Variants in FAM184A observed in about 807,000 individuals in gnomAD.
The protein encoded by FAM184A is protein FAM184A.
A neutral mutation model predicts 143.8 loss-of-function variants in FAM184A; 99 were observed. That is an observed-to-expected ratio of 0.69 (90% CI 0.58 to 0.81). The LOEUF (loss-of-function observed/expected upper bound fraction) is 0.81, where lower values mean the gene tolerates loss of function less well. FAM184A is among the 40% of genes least tolerant of loss of function. The pLI is 0.00. For missense variants in FAM184A, 1,217 were observed against 1,310.5 expected (o/e 0.93, Z 1.10); for synonymous variants, 427 against 446.4 (o/e 0.96, Z 0.55).
intron 1 of FAM184A, among the ~76,000 whole-genome samples, chr6:119,119,583 C>T (rs925185569): frequency 2.0e-5 from 3 of 152,032 alleles, no homozygotes; most frequent in Non-Finnish European, 4.4e-5. Context: ...AGTATATGAA[C>T]ACAAAATAAC....
At chr6:119,144,229 G>C (rs1407110228) in intron 1 of FAM184A, among the ~76,000 whole-genome samples, 1 of 151,028 alleles carries the variant, frequency 6.6e-6, no homozygotes, top group Non-Finnish European at 1.5e-5. Context: ...AGCTACTCGA[G>C]AGGCTGAGGC....
intron 1 of FAM184A, among the ~76,000 whole-genome samples, chr6:119,115,808 CAA>C (rs66619118): frequency 0.037 from 5,224 of 142,424 alleles, 166 homozygotes; most frequent in African/African-American, 0.089. Flanking sequence ...ACTAAAAATA[CAA>C]AAAAAAAAAA....
At chr6:119,127,089 A>C (rs1270779921) in intron 1 of FAM184A, among the ~76,000 whole-genome samples, 1 of 152,146 alleles carries the variant, frequency 6.6e-6, no homozygotes, top group Non-Finnish European at 1.5e-5. Flanking sequence ...GTTTTGGAAA[A>C]AGGCAACATT....
intron 1 of FAM184A, among the ~76,000 whole-genome samples, chr6:119,032,244 C>A (rs2114708643): frequency 6.6e-6 from 1 of 151,550 alleles, no homozygotes; most frequent in Middle Eastern, 3.4e-3. Flanking sequence ...TGCACTCCAA[C>A]CTGGGCAACA....
chr6:118,998,066 AC>A (rs1166780549), intron 9 of FAM184A, among the ~76,000 whole-genome samples: 1 of 152,214 alleles, frequency 6.6e-6, no homozygotes, highest in African/African-American at 2.4e-5. Flanking sequence ...TAAAATCAAT[AC>A]ATCTAAGAGA....
At chr6:119,095,496 TG>T (rs1400879254) in intron 1 of FAM184A, among the ~76,000 whole-genome samples, 1 of 152,220 alleles carries the variant, frequency 6.6e-6, no homozygotes, top group Non-Finnish European at 1.5e-5. Context: ...TGGCACTCTT[TG>T]GGTGGTCTCT....
At chr6:119,018,000 A>G (rs573446899) in intron 4 of FAM184A, among the ~76,000 whole-genome samples, 1 of 152,348 alleles carries the variant, frequency 6.6e-6, no homozygotes, top group East Asian at 1.9e-4. Flanking sequence ...CACCAGAAAC[A>G]GATGCCAGTA....
At chr6:119,096,954 T>C (rs1254679570) in intron 1 of FAM184A, among the ~76,000 whole-genome samples, 1 of 152,158 alleles carries the variant, frequency 6.6e-6, no homozygotes, top group African/African-American at 2.4e-5. Flanking sequence ...GCTTGACATT[T>C]CCTCTCTTTT....
At chr6:119,089,186 CTTTATTTA>C (rs78123118) in intron 1 of FAM184A, among the ~76,000 whole-genome samples, 1 of 142,394 alleles carries the variant, frequency 7.0e-6, no homozygotes, top group Non-Finnish European at 1.5e-5. Context: ...ATCTCTCTCT[CTTTATTTA>C]TTTATTTATT....
chr6:119,005,059 C>T (rs1357773978), intron 7 of FAM184A, among the ~76,000 whole-genome samples: 1 of 151,882 alleles, frequency 6.6e-6, no homozygotes, highest in East Asian at 1.9e-4. Context: ...TATCATTTTC[C>T]TTTTATTTGT....
At chr6:119,093,736 C>T (rs1329961396) in intron 1 of FAM184A, among the ~76,000 whole-genome samples, 1 of 152,150 alleles carries the variant, frequency 6.6e-6, no homozygotes, top group African/African-American at 2.4e-5. Context: ...AGGCAGGAGA[C>T]TGGTTTCTGT....
intron 1 of FAM184A, among the ~76,000 whole-genome samples, chr6:119,028,050 A>G (rs1392830554): frequency 1.3e-5 from 2 of 152,108 alleles, no homozygotes; most frequent in African/African-American, 4.8e-5. Flanking sequence ...GTATTGATTT[A>G]TGATTTTGCC....
At chr6:119,120,847 TC>T (rs1388356872) in intron 1 of FAM184A, among the ~76,000 whole-genome samples, 361 of 130,956 alleles carry the variant, frequency 2.8e-3, no homozygotes, top group African/African-American at 0.011. Context: ...TTTCTTTCTT[TC>T]TTTTTTTTTT....
intron 1 of FAM184A, among the ~76,000 whole-genome samples, chr6:119,029,889 A>G (rs541361425): frequency 6.6e-6 from 1 of 152,232 alleles, no homozygotes; most frequent in Admixed American, 6.5e-5. Flanking sequence ...CTTTCCCACT[A>G]TGACAGCAAA....
At chr6:118,984,998 C>T (rs114777134) in intron 9 of FAM184A, among the ~76,000 whole-genome samples, 2,838 of 152,284 alleles carry the variant, frequency 0.019, 98 homozygotes, top group African/African-American at 0.065. Context: ...CCTTCATTCC[C>T]TTTCCTCACT....
intron 1 of FAM184A, among the ~76,000 whole-genome samples, chr6:119,067,938 C>T (rs1037692272): frequency 9.9e-5 from 15 of 152,056 alleles, no homozygotes; most frequent in Non-Finnish European, 1.6e-4. Flanking sequence ...CACCCCTGCA[C>T]TCCAGCCTGG....
intron 7 of FAM184A, among the ~76,000 whole-genome samples, chr6:119,004,985 C>CAATT (rs1310192562): frequency 6.6e-6 from 1 of 152,102 alleles, no homozygotes; most frequent in African/African-American, 2.4e-5. Context: ...AACCTATATT[C>CAATT]AATTAACATT....
rs866495126 is a variant in FAM184A, at chr6:119,139,515, A to G, written c.-202+9563T>C. Among the ~76,000 whole-genome samples the G allele has an allele frequency of 2.7e-4, 41 of 152,282 alleles. No homozygotes were observed. In the Middle Eastern group the frequency reaches 0.014, roughly 51 times the overall value. On this transcript the variant is annotated intron_variant, in intron 1 of 16. Coordinates refer to the FAM184A transcript ENST00000352896. ...AGGCACTTTAAAGAAAATCCCTGAC[A>G]TGTTTTACAGCAGAGACAGGAAAAA...
chr6:119,087,489 G>T (rs1411627325), intron 1 of FAM184A, among the ~76,000 whole-genome samples: 1 of 151,972 alleles, frequency 6.6e-6, no homozygotes, highest in Non-Finnish European at 1.5e-5. Flanking sequence ...ATAAAAAGAT[G>T]GTCAAAACAT....
Sources: gnomAD v4.1 joint callset for allele counts (sites outside exome capture counted in the v4.1 genomes callset) on GRCh38, gnomAD v4.1.1 for gene constraint, MANE v1.5 for transcripts, NCBI Gene and HGNC (gene_info 2026-07-23, HGNC 2026-07-21) for gene names.